Variants in GALNT13 observed in about 807,000 individuals in gnomAD.
GALNT13 encodes the protein polypeptide N-acetylgalactosaminyltransferase 13, also known as UDP-GalNAc:polypeptide N-acetylgalactosaminyltransferase 13.
A neutral mutation model predicts 64.2 loss-of-function variants in GALNT13; 28 were observed. The ratio of observed to expected loss-of-function variants is 0.44; its 90% CI spans 0.32 to 0.60. The LOEUF (loss-of-function observed/expected upper bound fraction) is 0.60. Among genes scored for constraint, GALNT13 ranks in the 20% least tolerant of loss-of-function variants. The pLI is 0.05. For missense variants in GALNT13, 577 were observed against 669.8 expected (o/e 0.86, Z 1.53); for synonymous variants, 214 against 224.6 (o/e 0.95, Z 0.42).
the GALNT13 span, among the ~76,000 whole-genome samples, chr2:153,128,746 G>T: frequency 6.6e-6 from 1 of 152,114 alleles, no homozygotes; most frequent in Admixed American, 6.6e-5. Flanking sequence ...AAAGGAAGAG[G>T]TTTAATTGGA....
At chr2:153,891,515 AT>A (rs142369629) in intron 1 of GALNT13, among the ~76,000 whole-genome samples, 21,166 of 151,986 alleles carry the variant, frequency 0.14, 1,668 homozygotes, top group South Asian at 0.21. Context: ...ATTTATAAGA[AT>A]TTGCCTGGAA....
chr2:153,306,233 A>C, the GALNT13 span, among the ~76,000 whole-genome samples: 1 of 152,200 alleles, frequency 6.6e-6, no homozygotes, highest in African/African-American at 2.4e-5. Context: ...CATGAAGATA[A>C]AATACTCAGA....
intron 4 of GALNT13, among the ~76,000 whole-genome samples, chr2:154,233,485 T>C (rs1256588106): frequency 6.6e-6 from 1 of 152,180 alleles, no homozygotes; most frequent in Non-Finnish European, 1.5e-5. Flanking sequence ...TTTGAATAGA[T>C]TTATTTCCTA....
At chr2:154,205,526 C>T (rs1351445628) in intron 4 of GALNT13, among the ~76,000 whole-genome samples, 1 of 152,198 alleles carries the variant, frequency 6.6e-6, no homozygotes, top group Non-Finnish European at 1.5e-5. Flanking sequence ...GTCACATAGA[C>T]ACTGTATTAG....
At chr2:154,333,071 C>G (rs898571725) in intron 9 of GALNT13, among the ~76,000 whole-genome samples, 7 of 151,996 alleles carry the variant, frequency 4.6e-5, no homozygotes, top group Admixed American at 4.6e-4. Flanking sequence ...TTTAGAATGA[C>G]CTTTTGATGA....
chr2:153,998,175 G>A (rs1356588083), intron 3 of GALNT13, among the ~76,000 whole-genome samples: 1 of 151,994 alleles, frequency 6.6e-6, no homozygotes, highest in African/African-American at 2.4e-5. Context: ...GGGATTGCTG[G>A]GTCAAATGGT....
At chr2:154,239,830 T>C (rs1395518274) in intron 4 of GALNT13, among the ~76,000 whole-genome samples, 1 of 152,198 alleles carries the variant, frequency 6.6e-6, no homozygotes, top group East Asian at 1.9e-4. Flanking sequence ...TAGGTGATCT[T>C]TTAGACGGTT....
At chr2:153,972,549 T>A (rs1212821132) in intron 3 of GALNT13, among the ~76,000 whole-genome samples, 1 of 152,238 alleles carries the variant, frequency 6.6e-6, no homozygotes, top group East Asian at 1.9e-4. Context: ...ATAAGTAGGC[T>A]GCTGCTTATA....
intron 10 of GALNT13, among the ~76,000 whole-genome samples, chr2:154,399,996 C>T (rs984801252): frequency 2.0e-5 from 3 of 152,044 alleles, no homozygotes; most frequent in Non-Finnish European, 4.4e-5. Flanking sequence ...TTAAAACTAG[C>T]CTTAAAGAAA....
At chr2:153,827,724 A>G in the GALNT13 span, among the ~76,000 whole-genome samples, 1 of 151,864 alleles carries the variant, frequency 6.6e-6, no homozygotes, top group Non-Finnish European at 1.5e-5. Context: ...TTTCAAAACC[A>G]GTCATTCCTT....
At chr2:153,193,242 A>G in the GALNT13 span, among the ~76,000 whole-genome samples, 1 of 151,864 alleles carries the variant, frequency 6.6e-6, no homozygotes, top group Admixed American at 6.6e-5. Context: ...AATGTGGCAT[A>G]TATACACCAT....
chr2:153,133,433 A>G, the GALNT13 span, among the ~76,000 whole-genome samples: 3 of 152,074 alleles, frequency 2.0e-5, no homozygotes, highest in East Asian at 1.9e-4. Context: ...CTGGAATTCA[A>G]TCAGTGAGAA....
intron 11 of GALNT13, among the ~76,000 whole-genome samples, chr2:154,411,996 A>G (rs1040204717): frequency 2.0e-5 from 3 of 151,802 alleles, no homozygotes; most frequent in South Asian, 2.1e-4. Flanking sequence ...TAAACATGCA[A>G]TGTGTATTGA....
chr2:153,203,875 A>ACG, the GALNT13 span, among the ~76,000 whole-genome samples: 1 of 14,968 alleles, frequency 6.7e-5, no homozygotes, highest in Non-Finnish European at 7.9e-4. Flanking sequence ...TAGCGTGTCT[A>ACG]CACACACACA....
chr2:153,847,332 A>G, the GALNT13 span, among the ~76,000 whole-genome samples: 5 of 152,148 alleles, frequency 3.3e-5, no homozygotes, highest in Non-Finnish European at 7.4e-5. Flanking sequence ...AGTAACTTAT[A>G]TAAGAGACAA....
At chr2:153,770,788 G>T in the GALNT13 span, among the ~76,000 whole-genome samples, 1 of 152,192 alleles carries the variant, frequency 6.6e-6, no homozygotes, top group Non-Finnish European at 1.5e-5. Flanking sequence ...CAGCCCTGGA[G>T]GGAAGGACCA....
the GALNT13 span, among the ~76,000 whole-genome samples, chr2:153,591,313 A>T: frequency 6.6e-6 from 1 of 152,138 alleles, no homozygotes; most frequent in African/African-American, 2.4e-5. Flanking sequence ...TAGGTGACAC[A>T]AATCGAAAAA....
At chr2:154,400,586 T>G (rs1380128857) in intron 10 of GALNT13, among the ~76,000 whole-genome samples, 1 of 152,206 alleles carries the variant, frequency 6.6e-6, no homozygotes, top group Non-Finnish European at 1.5e-5. Context: ...GTATCTTAAT[T>G]TATTTTATGT....
At chr2:153,663,170 G>A in the GALNT13 span, among the ~76,000 whole-genome samples, 1 of 152,282 alleles carries the variant, frequency 6.6e-6, no homozygotes, top group South Asian at 2.1e-4. Flanking sequence ...CAGAATATTT[G>A]ATGTTTCAGT....
Sources: allele counts gnomAD v4.1 joint callset (sites outside exome capture counted in the v4.1 genomes callset), GRCh38; gene constraint gnomAD v4.1.1; transcripts MANE v1.5; gene names NCBI Gene and HGNC (gene_info 2026-07-23, HGNC 2026-07-21).